The following PHACTR3 variants were observed in gnomAD, a reference collection of about 807,000 sequenced individuals.
PHACTR3 encodes phosphatase and actin regulator 3, also known as protein phosphatase 1, regulatory subunit 123.
Under a neutral mutation model 66.8 loss-of-function variants are expected in PHACTR3, and 16 were observed. The observed-to-expected ratio is 0.24, with a 90% CI of 0.16 to 0.36. The LOEUF (loss-of-function observed/expected upper bound fraction) is 0.36, where lower values mean the gene tolerates loss of function less well. Among genes scored for constraint, PHACTR3 ranks in the 10% least tolerant of loss-of-function variants. PHACTR3 has a pLI of 1.00. For missense variants in PHACTR3, 647 were observed against 719.9 expected, an observed-to-expected ratio of 0.90 and a Z score of 1.16; for synonymous variants, 323 against 292.1, an observed-to-expected ratio of 1.11 and a Z score of -1.08.
At chr20:59,692,662 G>A (rs944582366) in intron 1 of PHACTR3, among the ~76,000 whole-genome samples, 19 of 152,232 alleles carry the variant, frequency 1.2e-4, no homozygotes, top group African/African-American at 4.3e-4. Flanking sequence ...GCCAGTGTGA[G>A]CACAAAAGGC....
intron 1 of PHACTR3, among the ~76,000 whole-genome samples, chr20:59,620,679 G>A (rs986947330): frequency 2.0e-5 from 3 of 152,188 alleles, no homozygotes; most frequent in Non-Finnish European, 4.4e-5. Flanking sequence ...TCAGCCAGGT[G>A]CCTCTGCTCT....
intron 7 of PHACTR3, among the ~76,000 whole-genome samples, chr20:59,800,350 A>G (rs2041374538): frequency 6.6e-6 from 1 of 152,156 alleles, no homozygotes; most frequent in African/African-American, 2.4e-5. Context: ...TCTGCTGGTG[A>G]TGAAATCTTC....
At chr20:59,607,186 G>T (rs1336854185) in intron 1 of PHACTR3, among the ~76,000 whole-genome samples, 1 of 152,162 alleles carries the variant, frequency 6.6e-6, no homozygotes, top group Non-Finnish European at 1.5e-5. Context: ...GGGCAGATCT[G>T]TTTAAGAATT....
chr20:59,577,676 A>C, intron 1 of PHACTR3: 2 of 1,103,812 alleles, frequency 1.8e-6, no homozygotes, highest in Non-Finnish European at 2.3e-6. Context: ...CCCGCCGGGC[A>C]CGAGGCGCTG....
chr20:59,841,349 G>T (rs1255871677), intron 10 of PHACTR3, 46 bp from the exon 11 acceptor site: 2 of 1,569,136 alleles, frequency 1.3e-6, no homozygotes, highest in Middle Eastern at 1.9e-4. Flanking sequence ...CTTCAAAAAA[G>T]CTAGTTTGGC....
At chr20:59,751,354 G>A (rs908983852) in intron 3 of PHACTR3, among the ~76,000 whole-genome samples, 1 of 152,190 alleles carries the variant, frequency 6.6e-6, no homozygotes, top group Non-Finnish European at 1.5e-5. Flanking sequence ...GTGAGGCTGT[G>A]GGAGTGGATT....
intron 7 of PHACTR3, among the ~76,000 whole-genome samples, chr20:59,795,255 A>C (rs1488307495): frequency 6.6e-6 from 1 of 152,090 alleles, no homozygotes; most frequent in East Asian, 1.9e-4. Flanking sequence ...TTGGTTATTC[A>C]GGAGCATGAT....
Position 59,829,794 on chromosome 20 carries a change from A to C in PHACTR3, c.1329-6711A>C, listed in dbSNP as rs118089778. On this transcript the variant is annotated intron_variant, in intron 8 of 12. Coordinates refer to ENST00000371015, the MANE Select transcript of PHACTR3 (RefSeq NM_080672.5). This position sits in a 1 kb window ranked among gnomAD's most constrained non-coding sequence, Gnocchi z 4.2. ...CCTTGTATGGAAGGAATTGCTTCTC[A>C]ATTTCTGCTCCACACTGAGGTGACT... 3.9e-5 allele frequency among the ~76,000 whole-genome samples: 6 copies of C among 152,314 alleles called. No individual in the cohort carries two copies. The highest frequency in any genetic ancestry group is 8.8e-5 in the Non-Finnish European group (6 of 68,030).
rs551885567 is a variant in PHACTR3, at chr20:59,832,484, C to G, written c.1329-4021C>G. Among the ~76,000 whole-genome samples, 14 of 152,312 alleles carry G rather than the reference C, an allele frequency of 9.2e-5. No individual in the cohort carries two copies. The East Asian group carries it at 2.5e-3, about 27-fold the overall frequency. ...CTCACAGGCCTGCAGCACACTTTGT[C>G]CTTGGTATCTGGTGGGGGTCTGGGC... On this transcript the variant is annotated intron_variant, in intron 8 of 12. Coordinates refer to ENST00000371015, the MANE Select transcript of PHACTR3 (RefSeq NM_080672.5).
At chr20:59,682,032 G>A (rs1385919939) in intron 1 of PHACTR3, among the ~76,000 whole-genome samples, 2 of 148,618 alleles carry the variant, frequency 1.3e-5, no homozygotes, top group Non-Finnish European at 1.5e-5. Context: ...AAGAAAGAAA[G>A]AAAGAAAAAA....
intron 3 of PHACTR3, among the ~76,000 whole-genome samples, chr20:59,753,391 G>A (rs574533270): frequency 3.9e-5 from 6 of 152,180 alleles, no homozygotes; most frequent in Admixed American, 2.6e-4. Flanking sequence ...GATCAGCAGC[G>A]ATGACAAGCT....
At chr20:59,809,493 A>G (rs187665724) in intron 8 of PHACTR3, among the ~76,000 whole-genome samples, 5 of 151,924 alleles carry the variant, frequency 3.3e-5, no homozygotes, top group Admixed American at 3.3e-4. Context: ...TTCTTTATGT[A>G]CTTTGCCTGA....
At chr20:59,628,625 A>C (rs1278659389) in intron 1 of PHACTR3, 6 of 985,236 alleles carry the variant, frequency 6.1e-6, no homozygotes, top group African/African-American at 1.7e-5. Flanking sequence ...ACAAAGAAAC[A>C]AAAAGTACGG....
Position 59,604,599 on chromosome 20 carries a change from G to GGGGGT in PHACTR3, c.-406_-402dup. The GGGGGT allele has an allele frequency of 3.7e-6, 1 of 272,950 alleles. No individual in the cohort carries two copies. The highest frequency in any genetic ancestry group is 5.5e-6 in the Non-Finnish European group (1 of 181,204). 16.9% of individuals were successfully genotyped at this position (272,950 alleles called of 1,614,324 possible). On this transcript the variant is annotated 5_prime_UTR_variant, in exon 1 of 13. Transcript: ENST00000371015. ...TTTTCCCTTTTTTCCTGGGGGGGTG[G>GGGGGT]GGGGTGGGGTGGGGGGAGGGAGCGC...
chr20:59,734,810 G>T (rs1421734349), intron 1 of PHACTR3, among the ~76,000 whole-genome samples: 1 of 152,058 alleles, frequency 6.6e-6, no homozygotes, highest in Non-Finnish European at 1.5e-5. Context: ...TTATGAATTT[G>T]CACGTTTTAC....
intron 1 of PHACTR3, among the ~76,000 whole-genome samples, chr20:59,653,413 G>C (rs2035520950): frequency 1.3e-5 from 2 of 152,118 alleles, no homozygotes; most frequent in Non-Finnish European, 2.9e-5. Context: ...TCGAACTCCT[G>C]ATCCTGTGAT....
chr20:59,772,821 G>A (rs2040402097), intron 5 of PHACTR3, among the ~76,000 whole-genome samples: 1 of 152,200 alleles, frequency 6.6e-6, no homozygotes, highest in Non-Finnish European at 1.5e-5. Flanking sequence ...ATTCCTTACT[G>A]TTCTGGGGGC....
intron 1 of PHACTR3, among the ~76,000 whole-genome samples, chr20:59,703,902 C>T (rs1324165865): frequency 6.6e-6 from 1 of 152,158 alleles, no homozygotes; most frequent in Non-Finnish European, 1.5e-5. Flanking sequence ...TTTTGTGTCC[C>T]TCCAGCAATT....
At chr20:59,771,561 C>T (rs2040361781) in intron 5 of PHACTR3, among the ~76,000 whole-genome samples, 1 of 152,012 alleles carries the variant, frequency 6.6e-6, no homozygotes, top group Admixed American at 6.5e-5. Flanking sequence ...TACTCTCAGC[C>T]CACCTGCGTG....
Sources: gnomAD v4.1 joint callset for allele counts (sites outside exome capture counted in the v4.1 genomes callset) on GRCh38, gnomAD v4.1.1 for gene constraint, Gnocchi (gnomAD v3.1) non-coding constraint, MANE v1.5 for transcripts, NCBI Gene and HGNC (gene_info 2026-07-23, HGNC 2026-07-21) for gene names.